Variants in FUT8 observed in about 807,000 individuals in gnomAD.
The protein encoded by FUT8 is alpha-(1,6)-fucosyltransferase.
In FUT8, 29 loss-of-function variants were observed where a neutral mutation model predicts 71.3. The observed-to-expected ratio is 0.41, with a 90% confidence interval of 0.30 to 0.55. FUT8 has a LOEUF of 0.55. Ranked by LOEUF, FUT8 falls within the 20% of genes least tolerant of loss-of-function variation. The probability of loss-of-function intolerance (pLI) is 0.34; values close to 1 mark genes in which losing one functional copy is unlikely to be tolerated. For synonymous variants in FUT8, 254 were observed against 239.3 expected (o/e 1.06, Z -0.57); for missense variants, 544 against 702.1 (o/e 0.77, Z 2.55).
chr14:65,645,226 A>G (rs1317220615), intron 6 of FUT8, among the ~76,000 whole-genome samples: 2 of 152,234 alleles, frequency 1.3e-5, no homozygotes, highest in African/African-American at 4.8e-5. Context: ...GATTGACTCC[A>G]GGATGAAAAA....
At chr14:65,618,581 A>C (rs1023297598) in intron 5 of FUT8, among the ~76,000 whole-genome samples, 2 of 152,220 alleles carry the variant, frequency 1.3e-5, no homozygotes, top group African/African-American at 2.4e-5. Flanking sequence ...ACACAATCAA[A>C]CATTAGAGAA....
chr14:65,364,021 A>G, the FUT8 span, among the ~76,000 whole-genome samples: 18 of 152,132 alleles, frequency 1.2e-4, no homozygotes, highest in African/African-American at 1.9e-4. Flanking sequence ...AGGGGTCCAC[A>G]TTTTTAGAAA....
At chr14:65,533,475 G>T (rs1274336674) in intron 2 of FUT8, among the ~76,000 whole-genome samples, 1 of 152,144 alleles carries the variant, frequency 6.6e-6, no homozygotes, top group Non-Finnish European at 1.5e-5. Context: ...TGCTGTATAG[G>T]AATGGTAGTG....
At chr14:65,425,067 T>C (rs1386544495) in intron 1 of FUT8, among the ~76,000 whole-genome samples, 2 of 152,200 alleles carry the variant, frequency 1.3e-5, no homozygotes, top group Non-Finnish European at 2.9e-5. Flanking sequence ...AACATTAGCA[T>C]ATGAGTGGAC....
chr14:65,410,744 T>C (rs1393894209), upstream of FUT8: 7 of 152,120 alleles, frequency 4.6e-5, no homozygotes, highest in East Asian at 1.2e-3. Context: ...ACTATCATGA[T>C]TATTAACCAA....
At chr14:65,650,140 CAA>C (rs778234367) in intron 6 of FUT8, among the ~76,000 whole-genome samples, 1 of 149,798 alleles carries the variant, frequency 6.7e-6, no homozygotes, top group African/African-American at 2.4e-5. Context: ...ACTAAAAATA[CAA>C]AAAAAAATTA....
chr14:65,446,869 A>C (rs376656444), intron 1 of FUT8, among the ~76,000 whole-genome samples: 8 of 148,098 alleles, frequency 5.4e-5, no homozygotes, highest in South Asian at 2.1e-4. Flanking sequence ...GAGTTTTGCT[A>C]TGTTGCCCAA....
At chr14:65,519,978 C>T (rs944529069) in intron 2 of FUT8, among the ~76,000 whole-genome samples, 1 of 152,032 alleles carries the variant, frequency 6.6e-6, no homozygotes, top group Non-Finnish European at 1.5e-5. Context: ...CGGGTTTTGC[C>T]GTGTTGCCCA....
chr14:65,405,577 C>G, the FUT8 span, among the ~76,000 whole-genome samples: 1 of 152,010 alleles, frequency 6.6e-6, no homozygotes, highest in African/African-American at 2.4e-5. Context: ...TTAATTGCAT[C>G]TACAATAAAC....
chr14:65,481,726 G>A (rs937709868), intron 2 of FUT8, among the ~76,000 whole-genome samples: 31 of 151,998 alleles, frequency 2.0e-4, no homozygotes, highest in African/African-American at 7.2e-4. Flanking sequence ...ATACTTTTGG[G>A]CAGGGGCTGT....
At chr14:65,554,304 A>G (rs940308065) in intron 2 of FUT8, among the ~76,000 whole-genome samples, 1 of 151,192 alleles carries the variant, frequency 6.6e-6, no homozygotes, top group Non-Finnish European at 1.5e-5. Flanking sequence ...TTAATATATC[A>G]ATTACAATTA....
At chr14:65,665,558 T>A (rs1892169478) in intron 6 of FUT8, among the ~76,000 whole-genome samples, 1 of 152,164 alleles carries the variant, frequency 6.6e-6, no homozygotes, top group African/African-American at 2.4e-5. Context: ...TTACTACCAT[T>A]TGACCCAGCA....
chr14:65,506,679 G>A (rs533061170), intron 2 of FUT8, among the ~76,000 whole-genome samples: 21 of 152,098 alleles, frequency 1.4e-4, no homozygotes, highest in African/African-American at 4.8e-4. Flanking sequence ...ATGTATTTAT[G>A]GGATACATGA....
At chr14:65,610,014 G>GT (rs1888801391) in intron 3 of FUT8, among the ~76,000 whole-genome samples, 1 of 151,172 alleles carries the variant, frequency 6.6e-6, no homozygotes, top group South Asian at 2.1e-4. Context: ...ATTTCCAGTT[G>GT]TTTTTTGCTA....
intron 3 of FUT8, among the ~76,000 whole-genome samples, chr14:65,590,572 A>G (rs2140139182): frequency 6.6e-6 from 1 of 152,316 alleles, no homozygotes; most frequent in Admixed American, 6.5e-5. Context: ...GGTAGAACCC[A>G]ATGTGTCATT....
At chr14:65,579,456 G>C (rs1232828171) in intron 3 of FUT8, among the ~76,000 whole-genome samples, 1 of 152,118 alleles carries the variant, frequency 6.6e-6, no homozygotes, top group Non-Finnish European at 1.5e-5. Context: ...AGCATATAGA[G>C]ACCTTGTTTA....
intron 10 of FUT8, among the ~76,000 whole-genome samples, chr14:65,734,947 C>T (rs982868874): frequency 6.6e-6 from 1 of 152,188 alleles, no homozygotes; most frequent in East Asian, 1.9e-4. Flanking sequence ...AAGACCCTCA[C>T]TTAAAATTGT....
At chr14:65,617,255 GT>G in intron 5 of FUT8, 1 of 1,426,834 alleles carries the variant, frequency 7.0e-7, no homozygotes, top group Non-Finnish European at 9.2e-7. Flanking sequence ...AAATTGCTTG[GT>G]TGTTTTAGGT....
At chr14:65,632,687 G>T (rs1414163328) in intron 6 of FUT8, among the ~76,000 whole-genome samples, 1 of 152,074 alleles carries the variant, frequency 6.6e-6, no homozygotes, top group Non-Finnish European at 1.5e-5. Flanking sequence ...TCTGCTGACT[G>T]TTCCTTTTGC....
Sources: allele counts gnomAD v4.1 joint callset (sites outside exome capture counted in the v4.1 genomes callset), GRCh38; gene constraint gnomAD v4.1.1; transcripts MANE v1.5; gene names NCBI Gene and HGNC (gene_info 2026-07-23, HGNC 2026-07-21).